Variants in IGBP1 observed in about 807,000 individuals in gnomAD.
IGBP1 encodes immunoglobulin-binding protein 1.
A neutral mutation model predicts 25.9 loss-of-function variants in IGBP1; 2 were observed. The ratio of observed to expected loss-of-function variants is 0.08; its 90% confidence interval spans 0.03 to 0.24. The LOEUF (loss-of-function observed/expected upper bound fraction) is 0.24, where lower values mean the gene tolerates loss of function less well. Among genes scored for constraint, IGBP1 ranks in the 10% least tolerant of loss-of-function variants. The pLI is 1.00. For missense variants in IGBP1, 187 were observed against 260.4 expected (o/e 0.72, Z 1.94); for synonymous variants, 96 against 93.4 (o/e 1.03, Z -0.16).
At position 70,139,321 on chromosome X, in the gene IGBP1, AAAAAAAAGAAAAGAAAAG is replaced by A. The variant is rs2085116100; in HGVS notation, c.482+4512_482+4529del. Among the ~76,000 whole-genome samples, 6 of 111,264 alleles carry A rather than the reference AAAAAAAAGAAAAGAAAAG, an allele frequency of 5.4e-5. No individual in the cohort carries two copies. In the South Asian group the frequency reaches 2.2e-3, roughly 41 times the overall value. Reference sequence around the variant, plus strand: ...AGCGAGACTCCGTCTCAAAAAAAAAAAAAAAAAGAAAAGAAAAGAAAAAAGAAAATCCAATTGGGCAAA... The same window carrying A: ...AGCGAGACTCCGTCTCAAAAAAAAAAAAAAAAGAAAATCCAATTGGGCAAA... On this transcript the variant is annotated intron_variant, in intron 3 of 6. Transcript: ENST00000356413.
At position 70,134,154 on chromosome X, in the gene IGBP1, A is replaced by C; in HGVS notation, c.188+19A>C. On this transcript the variant is annotated intron_variant, in intron 2 of 6. Coordinates refer to ENST00000356413, the MANE Select transcript of IGBP1 (RefSeq NM_001551.3). ...TGTTCAGGTATGGGGGAAGATAGTAATAATGGCTGAGAACGAAGGTAATAA... is the reference window on the plus strand; with the variant it reads ...TGTTCAGGTATGGGGGAAGATAGTACTAATGGCTGAGAACGAAGGTAATAA... 1 of 1,190,966 alleles carries C rather than the reference A, an allele frequency of 8.4e-7. No homozygotes were observed. The highest frequency in any genetic ancestry group is 1.8e-5 in the South Asian group (1 of 56,390).
chrX:70,163,492 G>A (rs1368075364), intron 6 of IGBP1, among the ~76,000 whole-genome samples: 2 of 111,987 alleles, frequency 1.8e-5, no homozygotes, highest in Admixed American at 1.9e-4. Context: ...CCAAATAGTA[G>A]TTGATGAGGG....
Position 70,133,512 on chromosome X carries a change from A to C in IGBP1, c.-254A>C, listed in dbSNP as rs943749432. 3 of 307,168 alleles carry C rather than the reference A, an allele frequency of 9.8e-6. No individual in the cohort carries two copies. The highest frequency in any genetic ancestry group is 8.2e-5 in the African/African-American group (3 of 36,466). The allele number at this position is 307,168 out of a possible 1,213,427, so 25.3% of individuals were successfully genotyped here. ...GTGGTGCGGCGGCTAGAGTCCCTGG[A>C]CTCCTCAACCTAGGGAGCTACTCGC... On this transcript the variant is annotated 5_prime_UTR_variant, in exon 1 of 7. Coordinates refer to ENST00000356413, the MANE Select transcript of IGBP1 (RefSeq NM_001551.3).
intron 3 of IGBP1, 93 bp downstream of exon 3, chrX:70,134,909 G>C: frequency 1.1e-6 from 1 of 871,957 alleles, no homozygotes; most frequent in Non-Finnish European, 1.7e-6. Flanking sequence ...AGAATGGTAT[G>C]TGTCACTTTC....
intron 3 of IGBP1, among the ~76,000 whole-genome samples, chrX:70,136,959 G>A (rs1451125718): frequency 9.0e-6 from 1 of 110,939 alleles, no homozygotes; most frequent in Non-Finnish European, 1.9e-5. Flanking sequence ...TACCCACCTC[G>A]GGCTCCCAAA....
chrX:70,148,659 A>G (rs2085182282), intron 4 of IGBP1, 102 bp from the exon 5 acceptor site: 1 of 568,869 alleles, frequency 1.8e-6, no homozygotes, highest in Admixed American at 2.7e-5. Flanking sequence ...AAGTGAGTGA[A>G]TTTTGAATCC....
intron 6 of IGBP1, among the ~76,000 whole-genome samples, chrX:70,161,332 G>A (rs2085269654): frequency 9.0e-6 from 1 of 111,474 alleles, no homozygotes; most frequent in African/African-American, 3.3e-5. Context: ...TGGCCAATTC[G>A]GTTTCACAGA....
At chrX:70,142,996 T>G (rs903208548) in intron 3 of IGBP1, among the ~76,000 whole-genome samples, 12 of 94,776 alleles carry the variant, frequency 1.3e-4, no homozygotes, top group Non-Finnish European at 1.6e-4. Context: ...CGACCTCGGC[T>G]CACTGCAAGC....
intron 6 of IGBP1, among the ~76,000 whole-genome samples, chrX:70,159,177 G>A (rs184393677): frequency 2.4e-4 from 27 of 111,511 alleles, no homozygotes; most frequent in Non-Finnish European, 1.9e-5. Context: ...AAAGTAGAAG[G>A]AAACAAGAAT....
At chrX:70,164,533 T>G (rs998551294) in intron 6 of IGBP1, among the ~76,000 whole-genome samples, 1 of 112,354 alleles carries the variant, frequency 8.9e-6, no homozygotes, top group Non-Finnish European at 1.9e-5. Flanking sequence ...AATGTACAAA[T>G]GGACAATTAC....
chrX:70,143,640 A>G (rs1290726867), intron 3 of IGBP1, among the ~76,000 whole-genome samples: 2 of 103,208 alleles, frequency 1.9e-5, no homozygotes, highest in East Asian at 6.7e-4. Flanking sequence ...ATGGCCCACC[A>G]TGGAGAATCC....
At chrX:70,138,467 C>T (rs1016394632) in intron 3 of IGBP1, among the ~76,000 whole-genome samples, 9 of 73,703 alleles carry the variant, frequency 1.2e-4, no homozygotes, top group Non-Finnish European at 2.2e-4. Flanking sequence ...GGTGACAGAG[C>T]GAGACCCTGT....
At chrX:70,156,854 C>T (rs984622473) in intron 6 of IGBP1, among the ~76,000 whole-genome samples, 6 of 111,591 alleles carry the variant, frequency 5.4e-5, no homozygotes, top group African/African-American at 9.8e-5. Context: ...GCAGGAGAAT[C>T]GGTTGAGTCT....
chrX:70,145,997 T>G (rs921665458), intron 3 of IGBP1, among the ~76,000 whole-genome samples: 1 of 111,977 alleles, frequency 8.9e-6, no homozygotes, highest in African/African-American at 3.3e-5. Context: ...TTTTATATGC[T>G]GCTGTGTCTC....
chrX:70,155,811 C>G (rs1251913818), intron 6 of IGBP1, among the ~76,000 whole-genome samples: 1 of 111,864 alleles, frequency 8.9e-6, no homozygotes, highest in East Asian at 2.8e-4. Context: ...GATTTCAAGA[C>G]AAAAAGGTAT....
intron 3 of IGBP1, 103 bp from the exon 4 acceptor site, chrX:70,146,530 T>A (rs1408555023): frequency 6.1e-6 from 4 of 653,194 alleles, no homozygotes; most frequent in Non-Finnish European, 1.0e-5. Flanking sequence ...ATTGGTATGC[T>A]TACTACCCTA....
chrX:70,141,927 G>C (rs1461133974), intron 3 of IGBP1, among the ~76,000 whole-genome samples: 1 of 110,754 alleles, frequency 9.0e-6, no homozygotes, highest in Non-Finnish European at 1.9e-5. Flanking sequence ...AAGGGGGGGG[G>C]CTCTGAGAAT....
At chrX:70,135,738 T>G (rs983537085) in intron 3 of IGBP1, among the ~76,000 whole-genome samples, 13 of 111,217 alleles carry the variant, frequency 1.2e-4, no homozygotes, top group Non-Finnish European at 2.3e-4. Flanking sequence ...TAGGTGATGG[T>G]AGAACACAAA....
chrX:70,149,228 CAAAA>C (rs11360263), intron 5 of IGBP1, among the ~76,000 whole-genome samples: 4 of 75,667 alleles, frequency 5.3e-5, no homozygotes, highest in Non-Finnish European at 4.9e-5. Flanking sequence ...GACTCCGTCT[CAAAA>C]AAAAAAAAAA....
Sources: allele counts gnomAD v4.1 joint callset (sites outside exome capture counted in the v4.1 genomes callset), GRCh38; gene constraint gnomAD v4.1.1; transcripts MANE v1.5; gene names NCBI Gene and HGNC (gene_info 2026-07-23, HGNC 2026-07-21).